Variants in NTM observed in about 807,000 individuals in gnomAD.
NTM encodes the protein neurotrimin.
In NTM, 13 loss-of-function variants were observed where a neutral mutation model predicts 42.1. The observed-to-expected ratio is 0.31, with a 90% CI of 0.20 to 0.49. The LOEUF (loss-of-function observed/expected upper bound fraction) is 0.49. Ranked by LOEUF, NTM falls within the 20% of genes least tolerant of loss-of-function variation. NTM has a pLI of 0.99. For synonymous variants in NTM, 187 were observed against 179.2 expected (o/e 1.04, Z -0.35); for missense variants, 373 against 452.8 (o/e 0.82, Z 1.60).
chr11:131,804,080 A>G (rs2092339113), intron 1 of NTM, among the ~76,000 whole-genome samples: 1 of 152,160 alleles, frequency 6.6e-6, no homozygotes, highest in Non-Finnish European at 1.5e-5. Flanking sequence ...GTTGATTTTA[A>G]CTTTGCTATT....
chr11:131,825,500 T>A (rs1362279495), intron 1 of NTM, among the ~76,000 whole-genome samples: 2 of 152,128 alleles, frequency 1.3e-5, no homozygotes, highest in Non-Finnish European at 2.9e-5. Context: ...GTTACGGACT[T>A]GGTTCTTTAT....
At chr11:132,274,530 T>C (rs2093631736) in intron 4 of NTM, among the ~76,000 whole-genome samples, 1 of 152,120 alleles carries the variant, frequency 6.6e-6, no homozygotes, top group Non-Finnish European at 1.5e-5. Context: ...CTTTGGCTCA[T>C]TGGTTATTTA....
chr11:131,738,961 G>A (rs1376253140), intron 1 of NTM, among the ~76,000 whole-genome samples: 1 of 152,186 alleles, frequency 6.6e-6, no homozygotes, highest in Non-Finnish European at 1.5e-5. Context: ...CTCTTGGATT[G>A]AACTTGGGGC....
At chr11:132,049,084 G>A (rs2078467705) in intron 2 of NTM, among the ~76,000 whole-genome samples, 1 of 152,116 alleles carries the variant, frequency 6.6e-6, no homozygotes, top group African/African-American at 2.4e-5. Flanking sequence ...TGCAATTGAA[G>A]GGAAATATAA....
At chr11:131,557,489 T>C (rs1441831715) in intron 1 of NTM, among the ~76,000 whole-genome samples, 1 of 152,216 alleles carries the variant, frequency 6.6e-6, no homozygotes, top group Non-Finnish European at 1.5e-5. Context: ...GCCAAGATCT[T>C]TCAACATTAA....
intron 2 of NTM, among the ~76,000 whole-genome samples, chr11:132,033,611 C>T (rs563629609): frequency 2.2e-4 from 34 of 152,228 alleles, no homozygotes; most frequent in African/African-American, 7.7e-4. Context: ...TCGTTGCTCC[C>T]CCTAATGCTG....
intron 1 of NTM, among the ~76,000 whole-genome samples, chr11:131,481,507 G>A (rs543099360): frequency 1.3e-5 from 2 of 152,344 alleles, no homozygotes; most frequent in Non-Finnish European, 2.9e-5. Flanking sequence ...TGTCAGGGCA[G>A]TGTCTGATGT....
intron 2 of NTM, among the ~76,000 whole-genome samples, chr11:131,945,391 C>G (rs1432657247): frequency 6.6e-6 from 1 of 152,170 alleles, no homozygotes; most frequent in Non-Finnish European, 1.5e-5. Flanking sequence ...AACCCTTTAT[C>G]CCACTGGGTG....
At chr11:132,326,384 C>G (rs574870732) in intron 7 of NTM, among the ~76,000 whole-genome samples, 25 of 152,176 alleles carry the variant, frequency 1.6e-4, no homozygotes, top group Admixed American at 5.9e-4. Flanking sequence ...ACTCAACTCA[C>G]AGAGAGAACA....
chr11:131,661,095 G>A (rs1227937926), intron 1 of NTM: 22 of 1,261,022 alleles, frequency 1.7e-5, no homozygotes, highest in Non-Finnish European at 2.2e-5. Context: ...CTGGTGGGGG[G>A]GTCTTCCCCC....
At chr11:131,876,127 C>T (rs1444392889) in intron 1 of NTM, among the ~76,000 whole-genome samples, 3 of 152,122 alleles carry the variant, frequency 2.0e-5, no homozygotes, top group East Asian at 3.9e-4. Flanking sequence ...TTCTCCCTCT[C>T]CAAAGCGATT....
At chr11:131,740,208 G>A (rs2081008643) in intron 1 of NTM, among the ~76,000 whole-genome samples, 1 of 152,124 alleles carries the variant, frequency 6.6e-6, no homozygotes, top group African/African-American at 2.4e-5. Flanking sequence ...CAGCCTCACT[G>A]GTTACACTTC....
chr11:131,606,598 A>G (rs1049438804), intron 1 of NTM, among the ~76,000 whole-genome samples: 8 of 152,234 alleles, frequency 5.3e-5, no homozygotes, highest in African/African-American at 1.7e-4. Context: ...AGTGGCCAAG[A>G]CAAAACAAAA....
chr11:131,852,302 T>G (rs1021068063), intron 1 of NTM, among the ~76,000 whole-genome samples: 3 of 152,160 alleles, frequency 2.0e-5, no homozygotes, highest in Admixed American at 2.0e-4. Flanking sequence ...CACCTTAATC[T>G]CCTGCCTGCT....
rs147279298 is a variant in NTM at position 131,724,074 on chromosome 11, G to C, written c.83-187490G>C. 7.2e-3 allele frequency among the ~76,000 whole-genome samples: 1,100 copies of C among 152,236 alleles called. 11 individuals carry two copies. The highest frequency in any genetic ancestry group is 0.025 in the African/African-American group (1,046 of 41,538). On this transcript the variant is annotated intron_variant, in intron 1 of 8. Transcript: ENST00000683400. ...ATTCAGAACAAGTCAGAGGAGGGAG[G>C]GACAACACTTTTCAAAAACCAGGGC...
intron 1 of NTM, among the ~76,000 whole-genome samples, chr11:131,564,106 C>T (rs1162485786): frequency 1.3e-5 from 2 of 152,140 alleles, no homozygotes; most frequent in African/African-American, 4.8e-5. Context: ...CTTTCTCTGC[C>T]AGTGGTTTAT....
At chr11:132,263,592 T>G (rs902722209) in intron 4 of NTM, among the ~76,000 whole-genome samples, 6 of 152,210 alleles carry the variant, frequency 3.9e-5, no homozygotes, top group African/African-American at 1.2e-4. Context: ...CTTTACGTTC[T>G]GGTTCCTTTT....
chr11:131,697,068 G>A (rs1378848194), intron 1 of NTM, among the ~76,000 whole-genome samples: 1 of 152,220 alleles, frequency 6.6e-6, no homozygotes, highest in Non-Finnish European at 1.5e-5. Flanking sequence ...GTTTTTAGAC[G>A]AAGCCGGCTG....
chr11:132,252,524 T>C (rs2092056583), intron 4 of NTM, among the ~76,000 whole-genome samples: 1 of 152,088 alleles, frequency 6.6e-6, no homozygotes, highest in Non-Finnish European at 1.5e-5. Flanking sequence ...CAGTTTTCCA[T>C]GGGGAAGCCT....
Sources: gnomAD v4.1 joint callset for allele counts (sites outside exome capture counted in the v4.1 genomes callset) on GRCh38, gnomAD v4.1.1 for gene constraint, MANE v1.5 for transcripts, NCBI Gene and HGNC (gene_info 2026-07-23, HGNC 2026-07-21) for gene names.